Variants in ZFP1 observed in about 807,000 individuals in gnomAD.
The protein encoded by ZFP1 is ZFP1 zinc finger protein, also known as zinc finger protein 1 homolog.
ZFP1 carries 32 observed loss-of-function variants against 38.5 expected under a neutral mutation model. The observed-to-expected ratio is 0.83, with a 90% confidence interval of 0.63 to 1.12. ZFP1 has a LOEUF of 1.12. Among genes scored for constraint, ZFP1 ranks in the 50% most tolerant of loss-of-function variants. ZFP1 has a pLI of 0.00. For synonymous variants in ZFP1, 245 were observed against 168.8 expected (o/e 1.45, Z -3.50); for missense variants, 616 against 480.8 (o/e 1.28, Z -2.63).
intron 2 of ZFP1, among the ~76,000 whole-genome samples, chr16:75,154,564 T>C (rs1413350318): frequency 7.2e-6 from 1 of 138,450 alleles, no homozygotes; most frequent in Non-Finnish European, 1.5e-5. Flanking sequence ...TCACCAGCAA[T>C]GAATGAGAGT....
the ZFP1 span, among the ~76,000 whole-genome samples, chr16:75,137,025 G>A: frequency 6.6e-6 from 1 of 152,282 alleles, no homozygotes; most frequent in East Asian, 1.9e-4. Context: ...CCCGGGGCCA[G>A]CATTTGTGTT....
At position 75,152,814 on chromosome 16, in the gene ZFP1, A is replaced by G. The variant is rs1171145340; in HGVS notation, c.-43-95A>G. ...CTTTCCCAGGAGGTGGTATTTTCCC[A>G]GGTGGTCTCTAGGGGTTTCTAAACA... is the stretch of plus-strand genomic sequence containing the variant. On this transcript the variant is annotated intron_variant, in intron 1 of 3. Transcript: ENST00000570010. The G allele has an allele frequency of 4.2e-5, 48 of 1,147,924 alleles. No homozygotes were observed. The East Asian group carries it at 1.2e-3, about 28-fold the overall frequency. 71.1% of individuals were successfully genotyped at this position (1,147,924 alleles called of 1,614,324 possible).
In ZFP1 at chr16:75,169,927, T is replaced by C; in HGVS notation, c.817T>C (p.Cys273Arg). 1 of 1,614,174 alleles carries C rather than the reference T, an allele frequency of 6.2e-7. No individual in the cohort carries two copies. The stretch of plus-strand genomic sequence containing the variant: ...GAAGAAGCCCTATGAGTGCAGTGAA[T>C]GTGGAAAGACATTTGCCCAAAAGTT... ...MEKKPYECSE[C>R]GKTFAQKFEL... The change falls in exon 4 of 4, where the codon TGT (cysteine) becomes CGT (arginine). Residue 273 changes from cysteine to arginine, a missense_variant. Physicochemically the swap from Cys to Arg is radical, Grantham distance 180 (BLOSUM62 -3). Transcript: ENST00000570010.
chr16:75,124,047 T>C, the ZFP1 span, among the ~76,000 whole-genome samples: 2 of 151,442 alleles, frequency 1.3e-5, no homozygotes, highest in Non-Finnish European at 2.9e-5. Context: ...TAAGCCAAGA[T>C]TGCGCCTCTG....
chr16:75,127,816 T>C, the ZFP1 span: 1 of 152,384 alleles, frequency 6.6e-6, no homozygotes, highest in Non-Finnish European at 1.5e-5. Flanking sequence ...TGCTGATCTT[T>C]GTTTTGCTTT....
At chr16:75,161,316 G>A (rs1200143526) in intron 2 of ZFP1, among the ~76,000 whole-genome samples, 5 of 151,684 alleles carry the variant, frequency 3.3e-5, no homozygotes, top group Non-Finnish European at 7.4e-5. Context: ...TGATCTCCCC[G>A]CCTCGGCCTC....
chr16:75,123,970 T>C, the ZFP1 span, among the ~76,000 whole-genome samples: 1 of 151,472 alleles, frequency 6.6e-6, no homozygotes, highest in East Asian at 2.0e-4. Flanking sequence ...AGCACGCACC[T>C]GTAGTCCCAA....
chr16:75,168,814 C>G (rs776612017), intron 3 of ZFP1, among the ~76,000 whole-genome samples: 2 of 152,166 alleles, frequency 1.3e-5, no homozygotes, highest in Admixed American at 6.5e-5. Flanking sequence ...CCGAGTTTAG[C>G]AAATAATACT....
chr16:75,123,987 G>C, the ZFP1 span, among the ~76,000 whole-genome samples: 1 of 151,398 alleles, frequency 6.6e-6, no homozygotes, highest in Non-Finnish European at 1.5e-5. Flanking sequence ...CCAACTACTC[G>C]GGAGGCAGAG....
At chr16:75,165,100 C>T (rs1336558724) in intron 2 of ZFP1, among the ~76,000 whole-genome samples, 3 of 152,150 alleles carry the variant, frequency 2.0e-5, no homozygotes, top group East Asian at 1.9e-4. Context: ...CCATCGCGCC[C>T]GGCCTCCATA....
chr16:75,164,001 T>A lies in ZFP1; in HGVS notation c.16-2769T>A, dbSNP rs527852784. Among the ~76,000 whole-genome samples, 18 of 152,322 alleles carry A rather than the reference T, an allele frequency of 1.2e-4. 1 individual carries two copies. In the South Asian group the frequency reaches 3.7e-3, roughly 32 times the overall value. On this transcript the variant is annotated intron_variant, in intron 2 of 3. Coordinates refer to ENST00000570010, the MANE Select transcript of ZFP1 (RefSeq NM_153688.4). ...GATAACCAGTATGTTTTGTGTGGGG[T>A]ATCCATGCTCTTTGTTTAATCACTT...
At chr16:75,138,326 C>T in the ZFP1 span, among the ~76,000 whole-genome samples, 5 of 152,256 alleles carry the variant, frequency 3.3e-5, no homozygotes, top group African/African-American at 4.8e-5. Context: ...TGAGCCACCG[C>T]GCACAGCCAA....
chr16:75,158,687 A>T (rs2037592507), intron 2 of ZFP1, among the ~76,000 whole-genome samples: 10 of 130,742 alleles, frequency 7.6e-5, no homozygotes, highest in East Asian at 2.4e-4. Flanking sequence ...TTTGCTATTT[A>T]TTTTTAGTTG....
chr16:75,155,504 T>C (rs1412847048), intron 2 of ZFP1, among the ~76,000 whole-genome samples: 1 of 152,222 alleles, frequency 6.6e-6, no homozygotes, highest in African/African-American at 2.4e-5. Flanking sequence ...GCATAGAGGT[T>C]GCTCATTCTT....
chr16:75,145,772 TCACTCAA>T (rs539508210), upstream of ZFP1, among the ~76,000 whole-genome samples: 1,006 of 152,242 alleles, frequency 6.6e-3, 8 homozygotes, highest in Non-Finnish European at 9.7e-3. Context: ...GCCACCTCCC[TCACTCAA>T]TAAAACCTCT....
chr16:75,161,823 C>A lies in ZFP1; in HGVS notation c.16-4947C>A, dbSNP rs1236680209. On this transcript the variant is annotated intron_variant, in intron 2 of 3. Transcript: ENST00000570010. Reference sequence around the variant, plus strand: ...TTTCCTGAGATGGAGTCTCACTTGTCATCCAGGCTGGAATGCAGTAGCACG... The same window carrying A: ...TTTCCTGAGATGGAGTCTCACTTGTAATCCAGGCTGGAATGCAGTAGCACG... Among the ~76,000 whole-genome samples, 5 of 88,418 alleles carry A rather than the reference C, an allele frequency of 5.7e-5. No individual in the cohort carries two copies. The Admixed American group carries it at 8.2e-4, about 14-fold the overall frequency. 58.0% of individuals were successfully genotyped at this position (88,418 alleles called of 152,430 possible). A position where few individuals can be genotyped will look rare whatever the true frequency, so the allele number is the denominator to read the frequency against.
In ZFP1 at chr16:75,169,685, C is replaced by T. The variant is rs763264743; in HGVS notation, c.575C>T (p.Ala192Val). 1 of 1,610,850 alleles carries T rather than the reference C, an allele frequency of 6.2e-7. No individual in the cohort carries two copies. Among genetic ancestry groups the T allele is most frequent in the Non-Finnish European group, 8.5e-7 (1 of 1,178,900 alleles). The change falls in exon 4 of 4, where the codon GCT becomes GTT. Residue 192 changes from alanine (A) to valine (V), a missense_variant. Ala to Val is a moderately conservative substitution (Grantham distance 64). Coordinates refer to ENST00000570010, the MANE Select transcript of ZFP1 (RefSeq NM_153688.4). ...QPFICTYCDK[A>V]FSFKSLLISH... ...TTCATTTGTACTTACTGTGACAAGG[C>T]TTTCTCCTTTAAGTCACTCCTCATT...
chr16:75,138,360 T>A, the ZFP1 span, among the ~76,000 whole-genome samples: 1 of 152,142 alleles, frequency 6.6e-6, no homozygotes, highest in African/African-American at 2.4e-5. Context: ...AAACGTGGAC[T>A]GTGCAGAGTG....
At chr16:75,128,839 G>A in the ZFP1 span, among the ~76,000 whole-genome samples, 2 of 152,192 alleles carry the variant, frequency 1.3e-5, no homozygotes, top group Non-Finnish European at 2.9e-5. Flanking sequence ...TGCCCAGGCT[G>A]GAGTGCAATG....
Sources: allele counts gnomAD v4.1 joint callset (sites outside exome capture counted in the v4.1 genomes callset), GRCh38; gene constraint gnomAD v4.1.1; transcripts MANE v1.5; gene names NCBI Gene and HGNC (gene_info 2026-07-23, HGNC 2026-07-21).